The following ADAMTSL1 variants were observed in gnomAD, a reference collection of about 807,000 sequenced individuals.
ADAMTSL1 encodes the protein ADAMTS-like protein 1.
A neutral mutation model predicts 201.8 loss-of-function variants in ADAMTSL1; 126 were observed. The ratio of observed to expected loss-of-function variants is 0.62; its 90% confidence interval spans 0.54 to 0.72. ADAMTSL1 has a LOEUF of 0.72. ADAMTSL1 is among the 30% of genes least tolerant of loss of function. ADAMTSL1 has a pLI of 0.00. For synonymous variants in ADAMTSL1, 1,121 were observed against 903.4 expected, an observed-to-expected ratio of 1.24 and a Z score of -4.32; for missense variants, 2,679 against 2,277.8, an observed-to-expected ratio of 1.18 and a Z score of -3.59.
chr9:18,714,034 A>T (rs1832766664), intron 14 of ADAMTSL1, among the ~76,000 whole-genome samples: 1 of 151,754 alleles, frequency 6.6e-6, no homozygotes. Flanking sequence ...AGAAATAAAG[A>T]TGTTCTTTGA....
At chr9:18,066,513 G>T (rs1822709423) in intron 1 of ADAMTSL1, among the ~76,000 whole-genome samples, 1 of 152,130 alleles carries the variant, frequency 6.6e-6, no homozygotes, top group African/African-American at 2.4e-5. Flanking sequence ...TATACAGAAA[G>T]CAAGTGATTA....
intron 1 of ADAMTSL1, among the ~76,000 whole-genome samples, chr9:18,077,698 A>G (rs1370216501): frequency 6.6e-6 from 1 of 152,182 alleles, no homozygotes. Flanking sequence ...GAACAAAATA[A>G]GAGAAATGGA....
chr9:18,750,866 T>C (rs1819432277), intron 15 of ADAMTSL1, among the ~76,000 whole-genome samples: 2 of 152,202 alleles, frequency 1.3e-5, no homozygotes, highest in Admixed American at 1.3e-4. Flanking sequence ...AAGTTGATGC[T>C]GATTATTGGT....
At chr9:18,617,503 G>A (rs144833750) in intron 4 of ADAMTSL1, among the ~76,000 whole-genome samples, 16 of 151,306 alleles carry the variant, frequency 1.1e-4, no homozygotes, top group South Asian at 8.4e-4. Context: ...TTTTTGGCAG[G>A]GGGGAGGGGG....
intron 4 of ADAMTSL1, among the ~76,000 whole-genome samples, chr9:18,592,293 A>G (rs1388953432): frequency 6.6e-6 from 1 of 152,118 alleles, no homozygotes; most frequent in Non-Finnish European, 1.5e-5. Context: ...ATCACACATC[A>G]CAATCCAATC....
At position 18,706,788 on chromosome 9, in the gene ADAMTSL1, G is replaced by A. The variant is rs770179697; in HGVS notation, c.1616G>A (p.Gly539Asp). The A allele has an allele frequency of 1.2e-6, 2 of 1,608,706 alleles. No individual in the cohort carries two copies. The highest frequency in any genetic ancestry group is 1.3e-5 in the African/African-American group (1 of 74,832). The change falls in exon 14 of 29, where the codon GGT (glycine) becomes GAT (aspartate). Residue 539 changes from glycine (G) to aspartate (D), a missense_variant. Transcript: ENST00000380548. ...TGGTCGGCCTGCACAGTCACCTGTG[G>A]TGTGGGGACCCAGGTGCGAATAGTC... ...EAWSACTVTC[G>D]VGTQVRIVRC...
At chr9:18,117,230 G>A (rs1042021085) in intron 1 of ADAMTSL1, among the ~76,000 whole-genome samples, 1 of 152,078 alleles carries the variant, frequency 6.6e-6, no homozygotes, top group Non-Finnish European at 1.5e-5. Flanking sequence ...ATACAATTTG[G>A]CTAATGTCCT....
At chr9:18,023,590 A>G (rs918362752) in intron 1 of ADAMTSL1, among the ~76,000 whole-genome samples, 1 of 152,174 alleles carries the variant, frequency 6.6e-6, no homozygotes, top group Admixed American at 6.6e-5. Flanking sequence ...GATGGAGCAG[A>G]GTAGCTGCTG....
chr9:18,256,437 A>C (rs1025246387), intron 2 of ADAMTSL1, among the ~76,000 whole-genome samples: 2 of 152,212 alleles, frequency 1.3e-5, no homozygotes, highest in Non-Finnish European at 2.9e-5. Context: ...AGTACAGTCC[A>C]ATGAACCCTG....
chr9:18,698,747 A>C (rs966632543), intron 13 of ADAMTSL1, among the ~76,000 whole-genome samples: 1 of 152,226 alleles, frequency 6.6e-6, no homozygotes, highest in African/African-American at 2.4e-5. Flanking sequence ...GCAATGGTCA[A>C]TTATTTTGAA....
intron 2 of ADAMTSL1, among the ~76,000 whole-genome samples, chr9:18,315,023 C>T (rs375483493): frequency 1.6e-4 from 20 of 127,394 alleles, no homozygotes; most frequent in African/African-American, 4.8e-4. Flanking sequence ...GTCTCGATCT[C>T]CTGACCTCGT....
At chr9:18,593,106 T>C (rs1280322253) in intron 4 of ADAMTSL1, among the ~76,000 whole-genome samples, 2 of 152,192 alleles carry the variant, frequency 1.3e-5, no homozygotes, top group Admixed American at 6.5e-5. Context: ...ACAGTTCTAA[T>C]AGTTTTCTTG....
intron 15 of ADAMTSL1, among the ~76,000 whole-genome samples, chr9:18,748,313 C>T (rs1157199352): frequency 6.6e-6 from 1 of 152,192 alleles, no homozygotes; most frequent in Non-Finnish European, 1.5e-5. Flanking sequence ...GGACACAATC[C>T]TTTAGCCAAA....
At chr9:18,221,658 T>C (rs1485468354) in intron 2 of ADAMTSL1, among the ~76,000 whole-genome samples, 1 of 152,192 alleles carries the variant, frequency 6.6e-6, no homozygotes, top group Admixed American at 6.5e-5. Flanking sequence ...TTTTCTAATT[T>C]CCATTATAAT....
At chr9:18,758,902 C>T (rs1347905319) in intron 16 of ADAMTSL1, among the ~76,000 whole-genome samples, 1 of 152,136 alleles carries the variant, frequency 6.6e-6, no homozygotes, top group Non-Finnish European at 1.5e-5. Context: ...TTCCACTACC[C>T]TTTTGCCTCT....
chr9:18,681,763 A>C (rs1830508224), intron 11 of ADAMTSL1, 49 bp from the exon 12 acceptor site: 19 of 1,470,310 alleles, frequency 1.3e-5, no homozygotes, highest in Non-Finnish European at 1.7e-5. Flanking sequence ...GAAGAAAAGT[A>C]AACAAGGCTT....
chr9:18,767,784 T>A (rs1366885105), intron 16 of ADAMTSL1, among the ~76,000 whole-genome samples: 1 of 152,228 alleles, frequency 6.6e-6, no homozygotes, highest in Non-Finnish European at 1.5e-5. Context: ...AATTAAAATT[T>A]GCTTCTTCAA....
At chr9:18,665,515 A>G (rs562907232) in intron 9 of ADAMTSL1, among the ~76,000 whole-genome samples, 6 of 152,276 alleles carry the variant, frequency 3.9e-5, no homozygotes, top group African/African-American at 9.6e-5. Flanking sequence ...GAAGTTTACA[A>G]CAGCTTCCTA....
intron 6 of ADAMTSL1, 52 bp downstream of exon 6, chr9:18,636,069 A>G: frequency 5.7e-6 from 8 of 1,406,052 alleles, no homozygotes; most frequent in Non-Finnish European, 5.8e-6. Context: ...AGTCATTATT[A>G]TTTATTTTGT....
Sources: allele counts gnomAD v4.1 joint callset (sites outside exome capture counted in the v4.1 genomes callset), GRCh38; gene constraint gnomAD v4.1.1; transcripts MANE v1.5; gene names NCBI Gene and HGNC (gene_info 2026-07-23, HGNC 2026-07-21).